Variants in PGM2L1 observed in about 807,000 individuals in gnomAD.
PGM2L1 encodes phosphoglucomutase 2 like 1, also known as glucose 1,6-bisphosphate synthase.
Under a neutral mutation model 73.4 loss-of-function variants are expected in PGM2L1, and 35 were observed. That is an observed-to-expected ratio of 0.48 (90% CI 0.36 to 0.63). The LOEUF is 0.63. PGM2L1 is among the 30% of genes least tolerant of loss of function. PGM2L1 has a pLI of 0.00. For synonymous variants in PGM2L1, 225 were observed against 253.8 expected (o/e 0.89, Z 1.08); for missense variants, 570 against 742.0 (o/e 0.77, Z 2.69).
intron 4 of PGM2L1, among the ~76,000 whole-genome samples, chr11:74,370,580 C>A (rs1020271255): frequency 1.3e-5 from 2 of 152,136 alleles, no homozygotes; most frequent in Non-Finnish European, 2.9e-5. Context: ...CACACACACA[C>A]CCAGATCAAG....
At chr11:74,390,097 C>A (rs1388136877) in intron 1 of PGM2L1, among the ~76,000 whole-genome samples, 1 of 138,910 alleles carries the variant, frequency 7.2e-6, no homozygotes. Flanking sequence ...CCAGCCTGGG[C>A]GACAGAGCGA....
intron 5 of PGM2L1, among the ~76,000 whole-genome samples, chr11:74,352,336 ATATT>A (rs1862370827): frequency 6.6e-6 from 1 of 152,162 alleles, no homozygotes; most frequent in African/African-American, 2.4e-5. Context: ...GAAAAAAGTC[ATATT>A]TCTATTATAA....
chr11:74,375,922 TAGAG>T, intron 1 of PGM2L1, among the ~76,000 whole-genome samples: 1 of 152,274 alleles, frequency 6.6e-6, no homozygotes, highest in African/African-American at 2.4e-5. Flanking sequence ...TGATATTTCA[TAGAG>T]AGGCCAAAGA....
At chr11:74,339,914 A>G (rs1862158499) in intron 12 of PGM2L1, among the ~76,000 whole-genome samples, 4 of 152,192 alleles carry the variant, frequency 2.6e-5, no homozygotes, top group African/African-American at 4.8e-5. Flanking sequence ...AGTTCTCTAG[A>G]AAGTCTTGCA....
intron 1 of PGM2L1, among the ~76,000 whole-genome samples, chr11:74,378,280 C>A (rs984593854): frequency 4.6e-5 from 7 of 150,910 alleles, no homozygotes; most frequent in Non-Finnish European, 7.4e-5. Flanking sequence ...CCAGCCTGGG[C>A]AACAGAGTAA....
chr11:74,342,961 C>T lies in PGM2L1; in HGVS notation c.1366G>A (p.Val456Met). 6.2e-7 allele frequency: 1 copy of T among 1,611,152 alleles called. No individual in the cohort carries two copies. Among genetic ancestry groups the T allele is most frequent in the Non-Finnish European group, 8.5e-7 (1 of 1,178,372 alleles). The change falls in exon 11 of 14, where the codon GTG becomes ATG. Residue 456 changes from valine to methionine, a missense_variant. By Grantham distance (21) the Val-to-Met change is conservative (BLOSUM62 1). Transcript: ENST00000298198. ...LDKDGVSAAV[V>M]VAEMASYLET... Reference sequence around the variant, plus strand: ...AGGTAAGATGCCATCTCAGCAACCACAACAGCTGCACTCACCCCATCTTTA... The same window carrying T: ...AGGTAAGATGCCATCTCAGCAACCATAACAGCTGCACTCACCCCATCTTTA...
chr11:74,349,902 A>G (rs969834188), intron 6 of PGM2L1, among the ~76,000 whole-genome samples: 5 of 152,142 alleles, frequency 3.3e-5, no homozygotes, highest in Non-Finnish European at 5.9e-5. Context: ...CAGCTATCAA[A>G]TAAAATTTGA....
In PGM2L1 at chr11:74,371,733, T is replaced by C. The variant is rs993608760; in HGVS notation, c.364A>G (p.Thr122Ala). 4 of 1,613,642 alleles carry C rather than the reference T, an allele frequency of 2.5e-6. No homozygotes were observed. The highest frequency in any genetic ancestry group is 3.4e-6 in the Non-Finnish European group (4 of 1,179,680). The change falls in exon 3 of 14, where the codon ACT becomes GCT. Residue 122 changes from threonine to alanine, a missense_variant. Coordinates refer to ENST00000298198, the MANE Select transcript of PGM2L1 (RefSeq NM_173582.6). The stretch of plus-strand genomic sequence containing the variant: ...TACCTCTGGCTGCTGCAGCTGCTAG[T>C]TACTTGACCCCGAGTGTCATACCCA... ...VVGYDTRGQVTSSCSSQRLAK... is the reference protein window; with the variant it reads ...VVGYDTRGQVASSCSSQRLAK...
intron 5 of PGM2L1, among the ~76,000 whole-genome samples, chr11:74,360,382 A>G (rs1331976939): frequency 6.6e-6 from 1 of 151,920 alleles, no homozygotes; most frequent in Non-Finnish European, 1.5e-5. Context: ...CCAGCTACTC[A>G]AGAGGCTGAG....
At chr11:74,388,048 T>G (rs774449669) in intron 1 of PGM2L1, among the ~76,000 whole-genome samples, 1 of 152,224 alleles carries the variant, frequency 6.6e-6, no homozygotes, top group African/African-American at 2.4e-5. Flanking sequence ...CATGTATATC[T>G]TGCACAGAGG....
intron 2 of PGM2L1, among the ~76,000 whole-genome samples, chr11:74,374,021 G>A (rs537856413): frequency 1.5e-4 from 18 of 122,494 alleles, no homozygotes; most frequent in African/African-American, 3.0e-4. Flanking sequence ...GTGTGTGTGC[G>A]TTTAGAATGG....
chr11:74,381,142 A>T (rs1343719047), intron 1 of PGM2L1, among the ~76,000 whole-genome samples: 1 of 152,174 alleles, frequency 6.6e-6, no homozygotes, highest in East Asian at 1.9e-4. Context: ...AGCATCTATT[A>T]CTAGCTTTAT....
In PGM2L1 at chr11:74,374,515, C is replaced by T. The variant is rs199681190; in HGVS notation, c.179G>A (p.Arg60His). ...RNGMNKELRDRLCCRMTFGTA... is the reference protein window; with the variant it reads ...RNGMNKELRDHLCCRMTFGTA... Reference sequence around the variant, plus strand: ...CCCAAAAGTCATTCGGCAACAAAGACGATCTCGCAGCTCCTTGTTCATCCC... The same window carrying T: ...CCCAAAAGTCATTCGGCAACAAAGATGATCTCGCAGCTCCTTGTTCATCCC... Residue 60 changes from arginine (R) to histidine (H), a missense_variant, in exon 2 of 14, where the codon CGT (arginine) becomes CAT (histidine). Transcript: ENST00000298198. 4.3e-6 allele frequency: 7 copies of T among 1,614,096 alleles called. No homozygotes were observed. In the Admixed American group the frequency reaches 5.0e-5, roughly 12 times the overall value.
At chr11:74,356,549 CATAA>C (rs1191959316) in intron 5 of PGM2L1, among the ~76,000 whole-genome samples, 2 of 152,082 alleles carry the variant, frequency 1.3e-5, no homozygotes, top group African/African-American at 4.8e-5. Flanking sequence ...TAAATTAATA[CATAA>C]ATAAAATATT....
At chr11:74,371,914 G>T in intron 2 of PGM2L1, 97 bp from the exon 3 acceptor site, 1 of 1,064,588 alleles carries the variant, frequency 9.4e-7, no homozygotes, top group Non-Finnish European at 1.4e-6. Flanking sequence ...CAGCTGACTG[G>T]CTGCTAGGGA....
chr11:74,355,080 G>A lies in PGM2L1; in HGVS notation c.556-3504C>T, dbSNP rs113486366. The A allele has an allele frequency of 4.9e-3, 6,280 of 1,281,524 alleles. 229 individuals are homozygous for A. In the African/African-American group the frequency reaches 0.082, roughly 17 times the overall value. The allele number at this position is 1,281,524 out of a possible 1,614,324, so 79.4% of individuals were successfully genotyped here. On this transcript the variant is annotated intron_variant, in intron 5 of 13. Transcript: ENST00000298198. ...TGGTGGTCGTGGAGGTGGTTTTGGT[G>A]GGAAGGACAACTTTGGTTGTGGAGG...
chr11:74,354,796 C>G, intron 5 of PGM2L1: 1 of 946,086 alleles, frequency 1.1e-6, no homozygotes, highest in Admixed American at 1.7e-5. Context: ...CCCTGAAGAA[C>G]ATCACCTAAG....
intron 1 of PGM2L1, among the ~76,000 whole-genome samples, chr11:74,382,560 G>A (rs1862962307): frequency 6.6e-6 from 1 of 152,096 alleles, no homozygotes; most frequent in South Asian, 2.1e-4. Flanking sequence ...GTACAGTGGT[G>A]CAAACACAGC....
In PGM2L1 at chr11:74,336,333, TCA is replaced by T. The variant is rs1862094722; in HGVS notation, c.*317_*318del. ...TTACGAGATACAGAACTAGGCTTAA[TCA>T]CACTATAATAAGAAAACTCACTTTT... On this transcript the variant is annotated 3_prime_UTR_variant, in exon 14 of 14. Coordinates refer to ENST00000298198, the MANE Select transcript of PGM2L1 (RefSeq NM_173582.6). 5.9e-6 allele frequency: 1 copy of T among 168,704 alleles called. No homozygotes were observed. Among genetic ancestry groups the T allele is most frequent in the Non-Finnish European group, 1.3e-5 (1 of 79,080 alleles). The allele number at this position is 168,704 out of a possible 1,614,324, so 10.5% of individuals were successfully genotyped here.
Sources: allele counts gnomAD v4.1 joint callset (sites outside exome capture counted in the v4.1 genomes callset), GRCh38; gene constraint gnomAD v4.1.1; transcripts MANE v1.5; gene names NCBI Gene and HGNC (gene_info 2026-07-23, HGNC 2026-07-21).